Variants in FUT8 observed in about 807,000 individuals in gnomAD.
The protein encoded by FUT8 is alpha-(1,6)-fucosyltransferase.
A neutral mutation model predicts 71.3 loss-of-function variants in FUT8; 29 were observed. The observed-to-expected ratio is 0.41, with a 90% CI of 0.30 to 0.55. The LOEUF is 0.55. Among genes scored for constraint, FUT8 ranks in the 20% least tolerant of loss-of-function variants. The probability of loss-of-function intolerance (pLI) is 0.34; values close to 1 mark genes in which losing one functional copy is unlikely to be tolerated. For synonymous variants in FUT8, 254 were observed against 239.3 expected, an observed-to-expected ratio of 1.06 and a Z score of -0.57; for missense variants, 544 against 702.1, an observed-to-expected ratio of 0.77 and a Z score of 2.55.
chr14:65,564,194 C>T (rs1010741902), intron 3 of FUT8, among the ~76,000 whole-genome samples: 4 of 151,940 alleles, frequency 2.6e-5, no homozygotes, highest in South Asian at 4.1e-4. Flanking sequence ...ATATTTTGTA[C>T]TCAATTTGCT....
In FUT8 at chr14:65,669,206, A is replaced by G. The variant is rs570286097; in HGVS notation, c.598-37A>G. ...AAAGAGCAGTTGACCTCTCTGTACA[A>G]CTTATCTTTATTTTCATTTCTCTTT... On this transcript the variant is annotated intron_variant, in intron 6 of 10. Transcript: ENST00000673929. This position sits in a 1 kb window ranked among gnomAD's most constrained non-coding sequence, Gnocchi z 4.5. The G allele has an allele frequency of 1.6e-5, 25 of 1,535,372 alleles. No individual in the cohort carries two copies. In the South Asian group the frequency reaches 2.3e-4, roughly 14 times the overall value.
chr14:65,677,676 T>C (rs1368500934), intron 7 of FUT8, among the ~76,000 whole-genome samples: 3 of 152,082 alleles, frequency 2.0e-5, no homozygotes, highest in Non-Finnish European at 2.9e-5. Context: ...TTATAAAGTT[T>C]CTTTAAAAAA....
Position 65,455,688 on chromosome 14 carries a change from T to C in FUT8, c.-258T>C, listed in dbSNP as rs1173993168. On this transcript the variant is annotated 5_prime_UTR_variant, in exon 2 of 11. Coordinates refer to ENST00000673929, the MANE Select transcript of FUT8 (RefSeq NM_001371533.1). ...TTTTTGTTCAAGATAAAGTGATTTTTTGCCTTTGTTGATTAACTGGACAAA... is the reference window on the plus strand; with the variant it reads ...TTTTTGTTCAAGATAAAGTGATTTTCTGCCTTTGTTGATTAACTGGACAAA... 5.0e-6 allele frequency: 2 copies of C among 398,240 alleles called. No homozygotes were observed. The highest frequency in any genetic ancestry group is 8.9e-6 in the Non-Finnish European group (2 of 225,932). The allele number at this position is 398,240 out of a possible 1,614,324, so 24.7% of individuals were successfully genotyped here.
At chr14:65,411,703 C>T (rs1206330917), upstream of FUT8, 3 of 272,882 alleles carry the variant, frequency 1.1e-5, no homozygotes, top group Non-Finnish European at 2.1e-5. Flanking sequence ...CACCATTTCG[C>T]TCTCCCACCG....
intron 3 of FUT8, among the ~76,000 whole-genome samples, chr14:65,605,856 T>C (rs184798911): frequency 6.6e-6 from 1 of 152,018 alleles, no homozygotes; most frequent in Admixed American, 6.6e-5. Flanking sequence ...AAAATGCTGA[T>C]CATTTCTCAG....
At chr14:65,508,204 ACTACAGG>A (rs1882060022) in intron 2 of FUT8, among the ~76,000 whole-genome samples, 1 of 151,320 alleles carries the variant, frequency 6.6e-6, no homozygotes, top group Non-Finnish European at 1.5e-5. Context: ...AGTAGCTGGG[ACTACAGG>A]CACACACCGC....
chr14:65,673,930 C>G (rs1056978717), intron 7 of FUT8, among the ~76,000 whole-genome samples: 1 of 152,082 alleles, frequency 6.6e-6, no homozygotes, highest in African/African-American at 2.4e-5. Context: ...GCAAGTAGAA[C>G]ACAAATGAAA....
chr14:65,526,697 G>C (rs530596491), intron 2 of FUT8, among the ~76,000 whole-genome samples: 4 of 152,140 alleles, frequency 2.6e-5, no homozygotes, highest in African/African-American at 9.7e-5. Flanking sequence ...GCAGTGGCTG[G>C]TACTGGTTAT....
rs181581986 is a variant in FUT8, at chr14:65,691,338, T to C, written c.835+21858T>C. 6.6e-4 allele frequency among the ~76,000 whole-genome samples: 100 copies of C among 151,362 alleles called. 1 individual carries two copies. The highest frequency in any genetic ancestry group is 1.2e-3 in the Non-Finnish European group (80 of 68,030). On this transcript the variant is annotated intron_variant, in intron 7 of 10. Coordinates refer to ENST00000673929, the MANE Select transcript of FUT8 (RefSeq NM_001371533.1). ...GGGCCATCCTTGTGTTGTTCCCAAC[T>C]TAGGAAGAAGGTATCAAGTTTCTCA...
At chr14:65,412,471 T>C (rs1290808111), upstream of FUT8, 1 of 399,652 alleles carries the variant, frequency 2.5e-6, no homozygotes, top group Non-Finnish European at 5.0e-6. Context: ...CCTCCGGCCT[T>C]CAGGCGGTAG....
intron 1 of FUT8, among the ~76,000 whole-genome samples, chr14:65,424,316 A>G (rs953079852): frequency 2.0e-5 from 3 of 152,148 alleles, no homozygotes; most frequent in African/African-American, 7.2e-5. Flanking sequence ...AAATTTATGT[A>G]GTTATGATTT....
intron 3 of FUT8, among the ~76,000 whole-genome samples, chr14:65,567,112 T>C (rs7153718): frequency 0.05 from 7,591 of 152,060 alleles, 263 homozygotes; most frequent in Admixed American, 0.11. Flanking sequence ...ACATTTATTT[T>C]TGAGAACAGA....
At chr14:65,552,565 G>A (rs1450707003) in intron 2 of FUT8, among the ~76,000 whole-genome samples, 2 of 152,164 alleles carry the variant, frequency 1.3e-5, no homozygotes, top group African/African-American at 4.8e-5. Context: ...TAGGAGGTCA[G>A]TTACTTACTG....
chr14:65,478,314 A>G (rs2066278686), intron 2 of FUT8, among the ~76,000 whole-genome samples: 1 of 152,140 alleles, frequency 6.6e-6, no homozygotes, highest in African/African-American at 2.4e-5. Flanking sequence ...AGGCATCCCA[A>G]ATCTGAAATC....
chr14:65,685,775 TTGTAAACTGTCAGTGATGC>T (rs1038641442), intron 7 of FUT8, among the ~76,000 whole-genome samples: 8 of 152,198 alleles, frequency 5.3e-5, no homozygotes, highest in African/African-American at 1.9e-4. Flanking sequence ...GCCATGGCAT[TTGTAAACTGTCAGTGATGC>T]TGGTGGTAGT....
chr14:65,440,333 G>C (rs1180240657), intron 1 of FUT8, among the ~76,000 whole-genome samples: 1 of 151,654 alleles, frequency 6.6e-6, no homozygotes, highest in East Asian at 1.9e-4. Context: ...CTTGAAAATT[G>C]CTTAGAAAGT....
At chr14:65,706,939 A>G (rs1460560053) in intron 7 of FUT8, among the ~76,000 whole-genome samples, 1 of 152,178 alleles carries the variant, frequency 6.6e-6, no homozygotes, top group Non-Finnish European at 1.5e-5. Flanking sequence ...ATAAATGTAT[A>G]GTGCTAACTT....
upstream of FUT8, chr14:65,411,002 A>C (rs1230853810): frequency 1.3e-5 from 2 of 152,230 alleles, no homozygotes; most frequent in Non-Finnish European, 2.9e-5. Context: ...GACTTCTAAA[A>C]ATTATCTAAA....
the FUT8 span, among the ~76,000 whole-genome samples, chr14:65,378,377 G>A: frequency 6.6e-6 from 1 of 152,184 alleles, no homozygotes; most frequent in East Asian, 1.9e-4. Context: ...AAAGCCAAAT[G>A]TGTGGGTTCT....
Sources: gnomAD v4.1 joint callset for allele counts (sites outside exome capture counted in the v4.1 genomes callset) on GRCh38, gnomAD v4.1.1 for gene constraint, Gnocchi (gnomAD v3.1) non-coding constraint, MANE v1.5 for transcripts, NCBI Gene and HGNC (gene_info 2026-07-23, HGNC 2026-07-21) for gene names.